Variants in WWOX observed in about 807,000 individuals in gnomAD.
The protein encoded by WWOX is WW domain containing oxidoreductase, also known as WW domain-containing oxidoreductase.
In WWOX, 69 loss-of-function variants were observed where a neutral mutation model predicts 46.2. The ratio of observed to expected loss-of-function variants is 1.49; its 90% CI spans 1.23 to 1.82. The LOEUF (loss-of-function observed/expected upper bound fraction) is 1.82. Ranked by LOEUF, WWOX falls within the 40% of genes most tolerant of loss-of-function variation. The probability of loss-of-function intolerance (pLI) is 0.00; values close to 1 mark genes in which losing one functional copy is unlikely to be tolerated. For synonymous variants in WWOX, 359 were observed against 202.6 expected (o/e 1.77, Z -6.56); for missense variants, 919 against 542.6 (o/e 1.69, Z -6.89).
chr16:79,065,402 T>C (rs1388266074), intron 8 of WWOX, among the ~76,000 whole-genome samples: 8 of 152,132 alleles, frequency 5.3e-5, no homozygotes. Flanking sequence ...AGCTAGGGAA[T>C]GGAAAATGCT....
chr16:78,172,485 A>T (rs2035195518), intron 5 of WWOX, among the ~76,000 whole-genome samples: 2 of 151,982 alleles, frequency 1.3e-5, no homozygotes, highest in African/African-American at 4.8e-5. Context: ...TGTGCTTGGT[A>T]CTTATCCTCT....
chr16:78,427,472 C>T (rs781703301), intron 7 of WWOX, among the ~76,000 whole-genome samples: 2 of 152,136 alleles, frequency 1.3e-5, no homozygotes, highest in African/African-American at 4.8e-5. Flanking sequence ...CCCTCAATGG[C>T]TGCAGCTGCA....
chr16:78,697,713 G>C (rs149145768), intron 8 of WWOX, among the ~76,000 whole-genome samples: 1 of 152,250 alleles, frequency 6.6e-6, no homozygotes, highest in East Asian at 1.9e-4. Flanking sequence ...TTTAAGGTAG[G>C]CTCGGCTAAG....
intron 8 of WWOX, among the ~76,000 whole-genome samples, chr16:79,073,975 A>G (rs1002421287): frequency 1.3e-5 from 2 of 149,912 alleles, no homozygotes; most frequent in African/African-American, 4.9e-5. Context: ...GGTACCCTTC[A>G]CAAAGTTATT....
intron 8 of WWOX, among the ~76,000 whole-genome samples, chr16:78,619,583 A>C (rs2046126215): frequency 6.6e-6 from 1 of 151,778 alleles, no homozygotes; most frequent in East Asian, 1.9e-4. Flanking sequence ...TAAATACAGA[A>C]GTAAATGGAG....
intron 8 of WWOX, among the ~76,000 whole-genome samples, chr16:79,175,654 C>G (rs1012083030): frequency 9.2e-5 from 14 of 152,172 alleles, no homozygotes; most frequent in African/African-American, 2.4e-4. Context: ...AGGACGTGCT[C>G]TGATTCTGAT....
intron 1 of WWOX, among the ~76,000 whole-genome samples, chr16:78,101,990 C>A (rs2031825836): frequency 6.6e-6 from 1 of 152,044 alleles, no homozygotes; most frequent in South Asian, 2.1e-4. Flanking sequence ...TATGGTGGCA[C>A]CCTCACAGTA....
chr16:78,840,321 C>T (rs993814071), intron 8 of WWOX, among the ~76,000 whole-genome samples: 12 of 152,140 alleles, frequency 7.9e-5, no homozygotes, highest in Non-Finnish European at 1.6e-4. Flanking sequence ...TTTTGAAGAG[C>T]GATTCTTGTG....
At chr16:78,794,092 C>T (rs1319049372) in intron 8 of WWOX, among the ~76,000 whole-genome samples, 1 of 152,012 alleles carries the variant, frequency 6.6e-6, no homozygotes, top group African/African-American at 2.4e-5. Context: ...GAGATGGGGT[C>T]TTTTGGGAGA....
intron 8 of WWOX, among the ~76,000 whole-genome samples, chr16:78,752,763 T>G (rs190790905): frequency 1.3e-5 from 2 of 152,316 alleles, no homozygotes; most frequent in Non-Finnish European, 2.9e-5. Flanking sequence ...CACCACAACT[T>G]TATGTAATAA....
At chr16:78,407,610 A>AT (rs2082578141) in intron 6 of WWOX, among the ~76,000 whole-genome samples, 1 of 152,150 alleles carries the variant, frequency 6.6e-6, no homozygotes. Context: ...GATATGTCTC[A>AT]TTCTTGGGTT....
At chr16:79,159,605 C>A (rs112513090) in intron 8 of WWOX, among the ~76,000 whole-genome samples, 2 of 152,214 alleles carry the variant, frequency 1.3e-5, no homozygotes, top group Non-Finnish European at 2.9e-5. Flanking sequence ...CTCAGGGTAG[C>A]TGATGAGTCC....
chr16:79,057,587 G>T (rs979474237), intron 8 of WWOX, among the ~76,000 whole-genome samples: 8 of 152,076 alleles, frequency 5.3e-5, no homozygotes, highest in East Asian at 1.9e-4. Context: ...GTGATTTTGG[G>T]GGGGGCACCA....
chr16:78,668,422 A>T (rs945481009), intron 8 of WWOX, among the ~76,000 whole-genome samples: 2 of 152,232 alleles, frequency 1.3e-5, no homozygotes, highest in African/African-American at 4.8e-5. Context: ...GGTAACCAGG[A>T]ATGACATTCC....
chr16:78,559,049 G>A (rs901022009), intron 8 of WWOX, among the ~76,000 whole-genome samples: 4 of 152,176 alleles, frequency 2.6e-5, no homozygotes, highest in African/African-American at 7.2e-5. Context: ...TGGCCGCTAC[G>A]TGGAAGGACA....
intron 8 of WWOX, among the ~76,000 whole-genome samples, chr16:78,669,979 C>A (rs1004533934): frequency 2.3e-4 from 35 of 152,164 alleles, no homozygotes; most frequent in African/African-American, 8.2e-4. Flanking sequence ...CCTTCATCCT[C>A]CCCCACCAGT....
chr16:79,195,515 C>G (rs570534689), intron 8 of WWOX, among the ~76,000 whole-genome samples: 1 of 152,290 alleles, frequency 6.6e-6, no homozygotes, highest in East Asian at 1.9e-4. Context: ...TGAGTGCCTC[C>G]TGGCCCAGAA....
At chr16:78,150,689 G>T (rs909992891) in intron 4 of WWOX, among the ~76,000 whole-genome samples, 1 of 152,062 alleles carries the variant, frequency 6.6e-6, no homozygotes, top group Admixed American at 6.5e-5. Flanking sequence ...CTCCATTTAG[G>T]ATTCTTAGAG....
At chr16:78,870,589 C>G (rs1410909358) in intron 8 of WWOX, among the ~76,000 whole-genome samples, 1 of 152,024 alleles carries the variant, frequency 6.6e-6, no homozygotes, top group Non-Finnish European at 1.5e-5. Flanking sequence ...CTCACCCCTA[C>G]CAATGTAATC....
Sources: allele counts gnomAD v4.1 joint callset (sites outside exome capture counted in the v4.1 genomes callset), GRCh38; gene constraint gnomAD v4.1.1; transcripts MANE v1.5; gene names NCBI Gene and HGNC (gene_info 2026-07-23, HGNC 2026-07-21).